CSMD1: variants seen among roughly 807,000 people sequenced by gnomAD.
CSMD1 encodes the protein CUB and sushi domain-containing protein 1.
CSMD1 carries 213 observed loss-of-function variants against 417.5 expected under a neutral mutation model. That is an observed-to-expected ratio of 0.51 (90% confidence interval 0.46 to 0.57). CSMD1 has a LOEUF of 0.57. Ranked by LOEUF, CSMD1 falls within the 20% of genes least tolerant of loss-of-function variation. The pLI, the probability that CSMD1 is intolerant of heterozygous loss-of-function variation, is 0.00. For synonymous variants in CSMD1, 2,862 were observed against 1,736.8 expected (o/e 1.65, Z -16.11); for missense variants, 6,923 against 4,529.7 (o/e 1.53, Z -15.17).
chr8:3,980,756 A>G (rs1462646517), intron 5 of CSMD1, among the ~76,000 whole-genome samples: 2 of 152,168 alleles, frequency 1.3e-5, no homozygotes, highest in Non-Finnish European at 2.9e-5. Context: ...CTGAATTTTC[A>G]TTTCTGCTGC....
intron 7 of CSMD1, chr8:3,700,373 G>A (rs544496305): frequency 4.5e-4 from 69 of 152,260 alleles, no homozygotes; most frequent in African/African-American, 1.7e-3. Context: ...TTATGTGTGT[G>A]TTTATGATAC....
chr8:4,589,016 T>C (rs1427819373), intron 2 of CSMD1, among the ~76,000 whole-genome samples: 2 of 152,148 alleles, frequency 1.3e-5, no homozygotes, highest in Non-Finnish European at 2.9e-5. Context: ...ATGTATACAT[T>C]ATACAACGTG....
chr8:3,658,030 G>C (rs149213532), intron 7 of CSMD1, among the ~76,000 whole-genome samples: 195 of 152,184 alleles, frequency 1.3e-3, no homozygotes, highest in African/African-American at 4.4e-3. Context: ...TGGATTTCTC[G>C]TCTTGAAATA....
At position 4,857,845 on chromosome 8, in the gene CSMD1, A is replaced by G. The variant is rs914624333; in HGVS notation, c.85+136487T>C. The stretch of plus-strand genomic sequence containing the variant: ...AATTCCACCAGAGGTACAAGGAGGA[A>G]CTGGTACCATTCCTTCTGAAACTAT... On this transcript the variant is annotated intron_variant, in intron 1 of 69. Coordinates refer to ENST00000635120, the MANE Select transcript of CSMD1 (RefSeq NM_033225.6). Among the ~76,000 whole-genome samples, 28 of 152,008 alleles carry G rather than the reference A, an allele frequency of 1.8e-4. 1 individual carries two copies. The South Asian group carries it at 5.4e-3, about 29-fold the overall frequency.
At chr8:4,154,674 C>G (rs1440226089) in intron 3 of CSMD1, among the ~76,000 whole-genome samples, 1 of 152,142 alleles carries the variant, frequency 6.6e-6, no homozygotes, top group Admixed American at 6.5e-5. Context: ...AGTTGATAAC[C>G]TGAGAATTCT....
intron 5 of CSMD1, among the ~76,000 whole-genome samples, chr8:3,996,945 C>T (rs1358891163): frequency 6.6e-6 from 1 of 152,058 alleles, no homozygotes; most frequent in Non-Finnish European, 1.5e-5. Context: ...TGTCTGGTAG[C>T]CTTCATACTA....
At chr8:4,436,906 T>C (rs1371928772) in intron 2 of CSMD1, among the ~76,000 whole-genome samples, 2 of 152,226 alleles carry the variant, frequency 1.3e-5, no homozygotes, top group African/African-American at 2.4e-5. Flanking sequence ...ATTTTCTTTA[T>C]CCATTCATCT....
intron 3 of CSMD1, among the ~76,000 whole-genome samples, chr8:4,099,101 C>G (rs911734481): frequency 6.6e-6 from 1 of 151,510 alleles, no homozygotes; most frequent in Non-Finnish European, 1.5e-5. Flanking sequence ...CTGTTTTTTT[C>G]TTTTTTTGTC....
chr8:3,402,233 G>A (rs1161541), intron 15 of CSMD1, among the ~76,000 whole-genome samples: 46,196 of 151,782 alleles, frequency 0.3, 7,791 homozygotes, highest in East Asian at 0.63. Flanking sequence ...GGGTACTTGT[G>A]TCTTTTTCAA....
chr8:4,814,660 T>G (rs1320982786), intron 1 of CSMD1, among the ~76,000 whole-genome samples: 3 of 152,192 alleles, frequency 2.0e-5, no homozygotes, highest in Non-Finnish European at 2.9e-5. Context: ...AGTAGGAGAC[T>G]TGGTGTATAT....
chr8:4,506,302 G>A (rs1802522713), intron 2 of CSMD1, among the ~76,000 whole-genome samples: 1 of 152,082 alleles, frequency 6.6e-6, no homozygotes, highest in African/African-American at 2.4e-5. Flanking sequence ...TGATGAAAAA[G>A]GAAGAGTACC....
chr8:3,551,645 C>T (rs1798920933), intron 10 of CSMD1, among the ~76,000 whole-genome samples: 1 of 137,182 alleles, frequency 7.3e-6, no homozygotes, highest in South Asian at 2.3e-4. Flanking sequence ...TTCCGGTGCT[C>T]ATTTAATACC....
chr8:4,870,642 C>G (rs926188962), intron 1 of CSMD1, among the ~76,000 whole-genome samples: 1 of 152,080 alleles, frequency 6.6e-6, no homozygotes, highest in Non-Finnish European at 1.5e-5. Flanking sequence ...CAGCGCACCA[C>G]GAGTGAGGGA....
At chr8:3,105,981 G>A (rs1816108268) in intron 46 of CSMD1, among the ~76,000 whole-genome samples, 1 of 152,148 alleles carries the variant, frequency 6.6e-6, no homozygotes, top group African/African-American at 2.4e-5. Flanking sequence ...TGAGAAACAT[G>A]ATTTCTTATT....
chr8:3,678,771 T>A, intron 7 of CSMD1, among the ~76,000 whole-genome samples: 1 of 152,088 alleles, frequency 6.6e-6, no homozygotes, highest in Non-Finnish European at 1.5e-5. Flanking sequence ...GAAAAAATGT[T>A]AAGTGCAGCC....
chr8:3,187,870 T>A lies in CSMD1; in HGVS notation c.5619A>T (p.Ser1873=). The A allele has an allele frequency of 1.2e-6, 2 of 1,612,114 alleles. No individual in the cohort carries two copies. The highest frequency in any genetic ancestry group is 8.5e-7 in the Non-Finnish European group (1 of 1,178,810). ...GTGAGGAAATTGACTCCATCTTACC[T>A]GAGAAGCTTCCCAGTCTGGGTGCGG... The part of the protein sequence containing the change: ...DVTAPRLGSF[S]GTTVPALLNS... Residue 1873 remains serine (S), a splice_region_variant and synonymous_variant, in exon 36 of 70, where the codon TCA becomes TCT. Transcript: ENST00000635120.
intron 3 of CSMD1, among the ~76,000 whole-genome samples, chr8:4,387,385 A>G (rs1803522213): frequency 6.6e-6 from 1 of 152,066 alleles, no homozygotes. Flanking sequence ...GTGTTAAATA[A>G]TCATGGAAAA....
intron 5 of CSMD1, among the ~76,000 whole-genome samples, chr8:3,755,622 G>A (rs894368814): frequency 2.0e-5 from 3 of 151,996 alleles, no homozygotes; most frequent in African/African-American, 7.3e-5. Context: ...TGTGTAGAGA[G>A]CATTTCCCTA....
chr8:4,160,097 G>A (rs1005805111), intron 3 of CSMD1, among the ~76,000 whole-genome samples: 3 of 60,884 alleles, frequency 4.9e-5, no homozygotes, highest in African/African-American at 1.2e-4. Context: ...AAAAAAAAAA[G>A]AAAAAGCACT....
Sources: gnomAD v4.1 joint callset for allele counts (sites outside exome capture counted in the v4.1 genomes callset) on GRCh38, gnomAD v4.1.1 for gene constraint, MANE v1.5 for transcripts, NCBI Gene and HGNC (gene_info 2026-07-23, HGNC 2026-07-21) for gene names.